CEP112: variants seen among roughly 807,000 people sequenced by gnomAD.
CEP112 encodes the protein centrosomal protein 112.
In CEP112, 127 loss-of-function variants were observed where a neutral mutation model predicts 153.0. The ratio of observed to expected loss-of-function variants is 0.83; its 90% confidence interval spans 0.72 to 0.96. CEP112 has a LOEUF of 0.96. Among genes scored for constraint, CEP112 ranks in the 40% least tolerant of loss-of-function variants. CEP112 has a pLI of 0.00. For missense variants in CEP112, 1,089 were observed against 1,101.2 expected (o/e 0.99, Z 0.16); for synonymous variants, 358 against 374.4 (o/e 0.96, Z 0.51).
intron 21 of CEP112, among the ~76,000 whole-genome samples, chr17:65,795,371 C>T (rs1401660662): frequency 6.6e-6 from 1 of 152,186 alleles, no homozygotes; most frequent in Non-Finnish European, 1.5e-5. Context: ...AGAGGTATTA[C>T]CCCATTTTAC....
chr17:65,669,451 G>T (rs1598264945), intron 24 of CEP112, among the ~76,000 whole-genome samples: 2 of 152,272 alleles, frequency 1.3e-5, no homozygotes, highest in African/African-American at 4.8e-5. Flanking sequence ...CAATAAATGA[G>T]ACCTGAAGAC....
intron 19 of CEP112, chr17:65,913,777 G>A: frequency 1.0e-6 from 1 of 985,426 alleles, no homozygotes; most frequent in Non-Finnish European, 1.2e-6. Context: ...TCATGATACA[G>A]GGAGAGCAGA....
intron 23 of CEP112, among the ~76,000 whole-genome samples, chr17:65,702,634 T>C (rs1175395552): frequency 6.6e-6 from 1 of 152,192 alleles, no homozygotes; most frequent in Non-Finnish European, 1.5e-5. Flanking sequence ...TATATTAAAC[T>C]TCATAATAAA....
chr17:66,126,327 C>T (rs978845456), intron 6 of CEP112, among the ~76,000 whole-genome samples: 1 of 152,088 alleles, frequency 6.6e-6, no homozygotes, highest in Non-Finnish European at 1.5e-5. Context: ...TAAATAGAAT[C>T]TAAAACTTGA....
chr17:65,763,441 A>C (rs968638584), intron 21 of CEP112, among the ~76,000 whole-genome samples: 1 of 151,532 alleles, frequency 6.6e-6, no homozygotes, highest in Non-Finnish European at 1.5e-5. Flanking sequence ...CTTTATTCCC[A>C]TATGTGTACA....
chr17:66,133,114 G>A lies in CEP112; in HGVS notation c.471-351C>T, dbSNP rs1431660607. Among the ~76,000 whole-genome samples, 3 of 150,720 alleles carry A rather than the reference G, an allele frequency of 2.0e-5. No individual in the cohort carries two copies. The South Asian group carries it at 6.3e-4, about 32-fold the overall frequency. On this transcript the variant is annotated intron_variant, in intron 4 of 26. Coordinates refer to ENST00000535342, the MANE Select transcript of CEP112 (RefSeq NM_001199165.4). ...AAAAAAAAAAAGAAAAGAAATACAAGTAATAACCTTTTTATTTATATTTCA... is the reference window on the plus strand; with the variant it reads ...AAAAAAAAAAAGAAAAGAAATACAAATAATAACCTTTTTATTTATATTTCA...
intron 21 of CEP112, among the ~76,000 whole-genome samples, chr17:65,837,954 AG>A (rs2057384444): frequency 6.6e-6 from 1 of 152,124 alleles, no homozygotes; most frequent in Non-Finnish European, 1.5e-5. Flanking sequence ...ACACTGCGGA[AG>A]GCGGCAGGGC....
chr17:65,796,363 G>C (rs2054912176), intron 21 of CEP112, among the ~76,000 whole-genome samples: 1 of 152,190 alleles, frequency 6.6e-6, no homozygotes, highest in Admixed American at 6.5e-5. Context: ...AATGAACTGA[G>C]AGAATGGCCT....
intron 20 of CEP112, among the ~76,000 whole-genome samples, chr17:65,864,419 TTCC>T (rs941840218): frequency 1.6e-3 from 237 of 152,326 alleles, no homozygotes; most frequent in African/African-American, 5.5e-3. Context: ...AGCTCCTGAC[TTCC>T]TCATCACTGG....
chr17:66,183,090 A>C, intron 2 of CEP112, 104 bp downstream of exon 2: 13 of 746,586 alleles, frequency 1.7e-5, no homozygotes, highest in Non-Finnish European at 2.5e-5. Flanking sequence ...AATTGTTACT[A>C]GAGAAATTCA....
intron 17 of CEP112, among the ~76,000 whole-genome samples, chr17:65,978,422 C>A (rs536674785): frequency 4.6e-5 from 7 of 152,310 alleles, no homozygotes; most frequent in African/African-American, 1.7e-4. Context: ...TGCCCCGGAG[C>A]AAGGCCCAGC....
intron 4 of CEP112, among the ~76,000 whole-genome samples, chr17:66,156,940 T>C (rs1244168639): frequency 1.3e-5 from 2 of 152,108 alleles, no homozygotes; most frequent in African/African-American, 4.8e-5. Context: ...TGGAACCAAG[T>C]TGGAAAACAC....
chr17:66,172,847 G>A lies in CEP112; in HGVS notation c.470+2197C>T, dbSNP rs187530729. Among the ~76,000 whole-genome samples, 3 of 152,212 alleles carry A rather than the reference G, an allele frequency of 2.0e-5. No individual in the cohort carries two copies. The East Asian group carries it at 5.8e-4, about 29-fold the overall frequency. ...ATGGTTATAAATCAAAAGTCTGGAG[G>A]ACTTAACAGATGAGTGATTATACTA... On this transcript the variant is annotated intron_variant, in intron 4 of 26. Coordinates refer to ENST00000535342, the MANE Select transcript of CEP112 (RefSeq NM_001199165.4).
At chr17:66,159,860 G>T (rs1311943814) in intron 4 of CEP112, among the ~76,000 whole-genome samples, 1 of 152,112 alleles carries the variant, frequency 6.6e-6, no homozygotes, top group African/African-American at 2.4e-5. Context: ...GGGCAATCAG[G>T]CAAGAGAAAG....
At chr17:65,826,316 T>G (rs1778136551) in intron 21 of CEP112, 1 of 1,613,746 alleles carries the variant, frequency 6.2e-7, no homozygotes, top group African/African-American at 1.3e-5. Context: ...TGACCCCCAT[T>G]AAGATCTCAG....
At chr17:66,008,520 A>G (rs1468991191) in intron 16 of CEP112, among the ~76,000 whole-genome samples, 1 of 151,970 alleles carries the variant, frequency 6.6e-6, no homozygotes, top group Non-Finnish European at 1.5e-5. Context: ...CACCTGGATC[A>G]TATTTTTTTA....
intron 12 of CEP112, chr17:66,043,001 G>A (rs894151225): frequency 3.1e-6 from 2 of 653,844 alleles, no homozygotes; most frequent in Admixed American, 6.3e-5. Flanking sequence ...TCCATGAGTA[G>A]TTCTATGAAT....
rs915095712 is a variant in CEP112, at chr17:66,066,810, G to C, written c.923C>G (p.Thr308Ser). 11 of 1,550,560 alleles carry C rather than the reference G, an allele frequency of 7.1e-6. No homozygotes were observed. The highest frequency in any genetic ancestry group is 8.7e-6 in the Non-Finnish European group (10 of 1,150,804). Residue 308 changes from threonine (T) to serine (S), a missense_variant, in exon 10 of 27, where the codon ACT (threonine) becomes AGT (serine). Thr to Ser is a moderately conservative substitution (Grantham distance 58, BLOSUM62 1). Transcript: ENST00000535342. ...TTCAAGCTTTCTAATAGTCTCTTCA[G>C]TTTCATGTTGTTTACTCCTGTATAA... is the stretch of plus-strand genomic sequence containing the variant. The part of the protein sequence containing the change: ...KTLYRSKQHE[T>S]EETIRKLEKK...
chr17:65,666,396 C>T (rs2046693212), intron 24 of CEP112, among the ~76,000 whole-genome samples: 1 of 152,258 alleles, frequency 6.6e-6, no homozygotes, highest in South Asian at 2.1e-4. Flanking sequence ...TACTTAGTAG[C>T]CAACATTACT....
Sources: gnomAD v4.1 joint callset for allele counts (sites outside exome capture counted in the v4.1 genomes callset) on GRCh38, gnomAD v4.1.1 for gene constraint, MANE v1.5 for transcripts, NCBI Gene and HGNC (gene_info 2026-07-23, HGNC 2026-07-21) for gene names.